The following ANKFN1 variants were observed in gnomAD, a reference collection of about 807,000 sequenced individuals.
ANKFN1 encodes the protein ankyrin repeat and fibronectin type-III domain-containing protein 1.
In ANKFN1, 74 loss-of-function variants were observed where a neutral mutation model predicts 108.7. That is an observed-to-expected ratio of 0.68 (90% CI 0.56 to 0.83). The LOEUF is 0.83. Among genes scored for constraint, ANKFN1 ranks in the 40% least tolerant of loss-of-function variants. The pLI is 0.00. For synonymous variants in ANKFN1, 547 were observed against 516.2 expected (o/e 1.06, Z -0.81); for missense variants, 1,505 against 1,382.3 (o/e 1.09, Z -1.41).
chr17:56,248,368 T>G (rs2144041011), intron 3 of ANKFN1, among the ~76,000 whole-genome samples: 1 of 152,320 alleles, frequency 6.6e-6, no homozygotes, highest in East Asian at 1.9e-4. Context: ...TGCTGTTGTC[T>G]CATGTTCCCC....
chr17:56,083,430 A>G (rs2078216002), intron 4 of ANKFN1, among the ~76,000 whole-genome samples: 1 of 151,246 alleles, frequency 6.6e-6, no homozygotes, highest in Non-Finnish European at 1.5e-5. Flanking sequence ...CCCTCCTACT[A>G]TTTTGCCATA....
intron 3 of ANKFN1, among the ~76,000 whole-genome samples, chr17:56,301,130 A>G (rs983080156): frequency 1.3e-5 from 2 of 152,202 alleles, no homozygotes; most frequent in African/African-American, 4.8e-5. Context: ...GAAAGGATTC[A>G]CACAATGTCC....
At chr17:56,431,882 A>G (rs931177831) in intron 8 of ANKFN1, among the ~76,000 whole-genome samples, 2 of 152,242 alleles carry the variant, frequency 1.3e-5, no homozygotes, top group Non-Finnish European at 2.9e-5. Context: ...TCAGACAGCT[A>G]ATCCTGTGCT....
Position 56,442,865 on chromosome 17 carries a change from T to A in ANKFN1, c.1031T>A (p.Val344Asp). 1 of 1,613,824 alleles carries A rather than the reference T, an allele frequency of 6.2e-7. No individual in the cohort carries two copies. The highest frequency in any genetic ancestry group is 8.5e-7 in the Non-Finnish European group (1 of 1,179,756). Reference sequence around the variant, plus strand: ...CAGGGCCAACAGTATTTTGTTCAAGTCTCGGCTTACAATATGAAAGGATGG... The same window carrying A: ...CAGGGCCAACAGTATTTTGTTCAAGACTCGGCTTACAATATGAAAGGATGG... The part of the protein sequence containing the change: ...LTMGQQYFVQ[V>D]SAYNMKGWGP... The change falls in exon 10 of 21, where the codon GTC becomes GAC. Residue 344 changes from valine to aspartate, a missense_variant. By Grantham distance (152) the Val-to-Asp change is radical. Transcript: ENST00000682825.
chr17:56,200,224 T>C (rs1055443559), intron 1 of ANKFN1, among the ~76,000 whole-genome samples: 1 of 152,198 alleles, frequency 6.6e-6, no homozygotes. Flanking sequence ...GTACAGCCAG[T>C]TTTTAAAATT....
At chr17:56,112,907 C>T (rs1906051187) in intron 4 of ANKFN1, among the ~76,000 whole-genome samples, 1 of 152,066 alleles carries the variant, frequency 6.6e-6, no homozygotes, top group African/African-American at 2.4e-5. Context: ...ATATGCATGT[C>T]GATATGTGTG....
intron 3 of ANKFN1, among the ~76,000 whole-genome samples, chr17:56,245,239 G>C (rs1212085100): frequency 6.6e-6 from 1 of 152,132 alleles, no homozygotes; most frequent in Non-Finnish European, 1.5e-5. Flanking sequence ...ATCTGAACCT[G>C]TGGTTCCTCA....
At chr17:56,271,134 C>T (rs1435160690) in intron 3 of ANKFN1, among the ~76,000 whole-genome samples, 2 of 152,086 alleles carry the variant, frequency 1.3e-5, no homozygotes, top group Non-Finnish European at 2.9e-5. Context: ...CTCAGCCTCC[C>T]CAGTAACTGG....
At chr17:56,159,538 T>A (rs1013793038) in intron 1 of ANKFN1, among the ~76,000 whole-genome samples, 2 of 152,254 alleles carry the variant, frequency 1.3e-5, no homozygotes, top group Admixed American at 1.3e-4. Context: ...TATAATTTTG[T>A]TCCCATTTTA....
intron 15 of ANKFN1, among the ~76,000 whole-genome samples, chr17:56,476,299 T>C (rs2050497371): frequency 2.0e-5 from 3 of 152,192 alleles, no homozygotes; most frequent in Admixed American, 2.0e-4. Context: ...GGAGGGATGG[T>C]ATCTGAATTT....
chr17:56,479,764 T>C (rs2046381106), intron 16 of ANKFN1, among the ~76,000 whole-genome samples: 1 of 152,340 alleles, frequency 6.6e-6, no homozygotes, highest in Non-Finnish European at 1.5e-5. Flanking sequence ...GCACCTCCTC[T>C]CTTTCCATCC....
At chr17:56,208,612 T>TA (rs748335822) in intron 1 of ANKFN1, among the ~76,000 whole-genome samples, 19 of 152,230 alleles carry the variant, frequency 1.2e-4, no homozygotes, top group Non-Finnish European at 4.4e-5. Context: ...GATCCTGCCT[T>TA]ACTGCTATAA....
At chr17:56,117,316 G>A (rs75291053) in intron 4 of ANKFN1, among the ~76,000 whole-genome samples, 5,762 of 152,170 alleles carry the variant, frequency 0.038, 120 homozygotes, top group Middle Eastern at 0.082. Context: ...ACATCACAAA[G>A]GACACCTGAT....
chr17:56,421,008 G>A (rs373496276), intron 8 of ANKFN1, among the ~76,000 whole-genome samples: 1 of 152,024 alleles, frequency 6.6e-6, no homozygotes, highest in African/African-American at 2.4e-5. Flanking sequence ...GGGTCCGGCC[G>A]ACTCCTTCTT....
At chr17:56,279,702 T>A (rs1347714449) in intron 3 of ANKFN1, among the ~76,000 whole-genome samples, 2 of 152,228 alleles carry the variant, frequency 1.3e-5, no homozygotes, top group Non-Finnish European at 2.9e-5. Flanking sequence ...AAGTGACAAC[T>A]ATTAGGCTTG....
intron 1 of ANKFN1, among the ~76,000 whole-genome samples, chr17:56,159,553 A>G (rs530224892): frequency 5.9e-5 from 9 of 152,350 alleles, no homozygotes; most frequent in African/African-American, 1.9e-4. Context: ...ATTTTATAAG[A>G]TGTTGACAAG....
At position 56,051,835 on chromosome 17, in the gene ANKFN1, T is replaced by C. The variant is rs9895564; in HGVS notation, c.288+5510T>C. Among the ~76,000 whole-genome samples, 601 of 151,270 alleles carry C rather than the reference T, an allele frequency of 4.0e-3. 4 individuals carry two copies. The highest frequency in any genetic ancestry group is 0.014 in the African/African-American group (575 of 41,224). Reference sequence around the variant, plus strand: ...CCATTCACAATTGCTTCAAAGAGAATAAAATACCTAGGAATCCAACTTACA... The same window carrying C: ...CCATTCACAATTGCTTCAAAGAGAACAAAATACCTAGGAATCCAACTTACA... On this transcript the variant is annotated intron_variant, in intron 4 of 12. Transcript: ENST00000635860.
chr17:56,511,381 T>G lies in ANKFN1; in HGVS notation c.*112T>G, dbSNP rs2051766326. ...CACTCATTTTCAAGCGTTTTGAATG[T>G]TATAAATACAAAGGTTACAAGTTCA... On this transcript the variant is annotated 3_prime_UTR_variant, in exon 21 of 21. Transcript: ENST00000682825. The G allele has an allele frequency of 1.7e-6, 2 of 1,175,608 alleles. No individual in the cohort carries two copies. Among genetic ancestry groups the G allele is most frequent in the East Asian group, 5.2e-5 (2 of 38,646 alleles). 72.8% of individuals were successfully genotyped at this position (1,175,608 alleles called of 1,614,324 possible).
intron 8 of ANKFN1, among the ~76,000 whole-genome samples, chr17:56,410,520 T>G (rs1362423228): frequency 6.6e-6 from 1 of 152,180 alleles, no homozygotes; most frequent in Non-Finnish European, 1.5e-5. Flanking sequence ...CTCACCAACT[T>G]ATTGTTTTGT....
Sources: gnomAD v4.1 joint callset for allele counts (sites outside exome capture counted in the v4.1 genomes callset) on GRCh38, gnomAD v4.1.1 for gene constraint, MANE v1.5 for transcripts, NCBI Gene and HGNC (gene_info 2026-07-23, HGNC 2026-07-21) for gene names.